Variants in SLC2A1 observed in about 807,000 individuals in gnomAD.
SLC2A1 encodes solute carrier family 2, facilitated glucose transporter member 1.
Under a neutral mutation model 46.6 loss-of-function variants are expected in SLC2A1, and 4 were observed. The ratio of observed to expected loss-of-function variants is 0.09; its 90% confidence interval spans 0.04 to 0.20. The LOEUF (loss-of-function observed/expected upper bound fraction) is 0.20. Among genes scored for constraint, SLC2A1 ranks in the 10% least tolerant of loss-of-function variants. The pLI is 1.00. For synonymous variants in SLC2A1, 253 were observed against 270.0 expected (o/e 0.94, Z 0.62); for missense variants, 352 against 667.0 (o/e 0.53, Z 5.20).
At chr1:42,945,331 T>A (rs113852081) in intron 1 of SLC2A1, among the ~76,000 whole-genome samples, 74 of 152,010 alleles carry the variant, frequency 4.9e-4, no homozygotes, top group African/African-American at 1.8e-3. Flanking sequence ...GATCACCCCA[T>A]GGCACTCCAG....
Position 42,928,958 on chromosome 1 carries a change from G to A in SLC2A1, c.1048C>T (p.Leu350Phe). The A allele has an allele frequency of 1.2e-6, 2 of 1,613,992 alleles. No homozygotes were observed. The highest frequency in any genetic ancestry group is 1.7e-6 in the Non-Finnish European group (2 of 1,180,004). Residue 350 changes from leucine to phenylalanine, a missense_variant, in exon 8 of 10, where the codon CTC (leucine) becomes TTC (phenylalanine). Coordinates refer to ENST00000426263, the MANE Select transcript of SLC2A1 (RefSeq NM_006516.4). Reference protein sequence around the residue: ...GLAGMAGCAILMTIALALLEQ... With the variant: ...GLAGMAGCAIFMTIALALLEQ... ...AGCAGTGCTAGCGCGATGGTCATGA[G>A]TATGGCACAACCCGCCATGCCAGCG...
intron 1 of SLC2A1, among the ~76,000 whole-genome samples, chr1:42,950,816 T>C (rs2124469609): frequency 6.6e-6 from 1 of 152,080 alleles, no homozygotes; most frequent in Non-Finnish European, 1.5e-5. Flanking sequence ...CTACTAAAAA[T>C]ACGAAAAATT....
chr1:42,948,483 G>C (rs1307067484), intron 1 of SLC2A1, among the ~76,000 whole-genome samples: 3 of 152,204 alleles, frequency 2.0e-5, no homozygotes, highest in Non-Finnish European at 2.9e-5. Flanking sequence ...GGTTCCCCAG[G>C]TGCAGGGAAG....
chr1:42,952,653 C>T, intron 1 of SLC2A1: 1 of 236,668 alleles, frequency 4.2e-6, no homozygotes, highest in East Asian at 1.3e-4. Flanking sequence ...TTCTGCACAG[C>T]TGTGAGGGCC....
At chr1:42,955,629 C>T (rs1039494651) in intron 1 of SLC2A1, among the ~76,000 whole-genome samples, 1 of 152,160 alleles carries the variant, frequency 6.6e-6, no homozygotes, top group African/African-American at 2.4e-5. Context: ...ACTATGCTGT[C>T]TGCACCACAA....
Position 42,926,660 on chromosome 1 carries a change from C to G in SLC2A1, c.*381G>C, listed in dbSNP as rs764359011. 272 of 1,278,974 alleles carry G rather than the reference C, an allele frequency of 2.1e-4. No homozygotes were observed. The highest frequency in any genetic ancestry group is 2.7e-4 in the Non-Finnish European group (265 of 975,300). 79.2% of individuals were successfully genotyped at this position (1,278,974 alleles called of 1,614,324 possible). On this transcript the variant is annotated 3_prime_UTR_variant, in exon 10 of 10. Transcript: ENST00000426263. Reference sequence around the variant, plus strand: ...TGTGTCCTTAGGACATAGGTCCAGCCCTACAGATTAGCTGGGTGAAGAAGG... The same window carrying G: ...TGTGTCCTTAGGACATAGGTCCAGCGCTACAGATTAGCTGGGTGAAGAAGG...
At chr1:42,938,395 T>C (rs911389683) in intron 2 of SLC2A1, among the ~76,000 whole-genome samples, 1 of 152,198 alleles carries the variant, frequency 6.6e-6, no homozygotes, top group Non-Finnish European at 1.5e-5. Context: ...GTTCCCTCAT[T>C]TAGAAGAGGG....
At chr1:42,957,820 G>T (rs1643792497) in intron 1 of SLC2A1, among the ~76,000 whole-genome samples, 1 of 152,170 alleles carries the variant, frequency 6.6e-6, no homozygotes, top group Admixed American at 6.5e-5. Flanking sequence ...CTTCCCGCTA[G>T]ACTTCAGCCT....
chr1:42,950,337 G>C (rs1223639659), intron 1 of SLC2A1, among the ~76,000 whole-genome samples: 1 of 152,226 alleles, frequency 6.6e-6, no homozygotes, highest in Non-Finnish European at 1.5e-5. Flanking sequence ...TTAGAAAAAA[G>C]TTGATCGGCC....
chr1:42,929,702 C>T lies in SLC2A1; in HGVS notation c.758G>A (p.Arg253Gln), dbSNP rs777498634. The T allele has an allele frequency of 1.7e-5, 28 of 1,613,906 alleles. No individual in the cohort carries two copies. The East Asian group carries it at 1.8e-4, about 10-fold the overall frequency. Residue 253 changes from arginine to glutamine, a missense_variant, in exon 6 of 10, where the codon CGG (arginine) becomes CAG (glutamine). This residue lies in a region of SLC2A1 where 167 missense variants were observed against 280.8 expected (regional missense o/e 0.59). Coordinates refer to ENST00000426263, the MANE Select transcript of SLC2A1 (RefSeq NM_006516.4). The surrounding 1 kb of genome is among the most constrained non-coding windows in gnomAD (Gnocchi z 6.0). ...CTCCAGGATGGTGACCTTCTTCTCC[C>T]GCATCATCTGCCGACTCTCTTCCTT... is the stretch of plus-strand genomic sequence containing the variant. Reference protein sequence around the residue: ...EMKEESRQMMREKKVTILELF... With the variant: ...EMKEESRQMMQEKKVTILELF...
At position 42,930,835 on chromosome 1, in the gene SLC2A1, C is replaced by A. The variant is rs755330447; in HGVS notation, c.307G>T (p.Ala103Ser). The A allele has an allele frequency of 4.4e-6, 7 of 1,600,630 alleles. No individual in the cohort carries two copies. In the South Asian group the frequency reaches 7.7e-5, roughly 18 times the overall value. Reference sequence around the variant, plus strand: ...CCCATGAGCACGGCGGACACGAAGGCCAGCAGGTTCATCATCAGCATTGAA... The same window carrying A: ...CCCATGAGCACGGCGGACACGAAGGACAGCAGGTTCATCATCAGCATTGAA... ...RNSMLMMNLL[A>S]FVSAVLMGFS... The change falls in exon 4 of 10, where the codon GCC (alanine) becomes TCC (serine). Residue 103 changes from alanine to serine, a missense_variant. By Grantham distance (99) the Ala-to-Ser change is moderately conservative. Coordinates refer to ENST00000426263, the MANE Select transcript of SLC2A1 (RefSeq NM_006516.4). This position sits in a 1 kb window ranked among gnomAD's most constrained non-coding sequence, Gnocchi z 6.2.
At chr1:42,953,404 C>T (rs560144139) in intron 1 of SLC2A1, among the ~76,000 whole-genome samples, 1 of 152,342 alleles carries the variant, frequency 6.6e-6, no homozygotes, top group African/African-American at 2.4e-5. Flanking sequence ...AGAGAGGTAA[C>T]AATTGGAGGC....
rs1181822928 is a variant in SLC2A1 at position 42,927,053 on chromosome 1, A to G, written c.1467T>C (p.Asp489=). 3 of 1,613,802 alleles carry G rather than the reference A, an allele frequency of 1.9e-6. No homozygotes were observed. The highest frequency in any genetic ancestry group is 1.7e-6 in the Non-Finnish European group (2 of 1,179,712). Reference sequence around the variant, plus strand: ...GATCTGGGGCGACTCACACTTGGGAATCAGCCCCCAGGGGATGGAACAGCT... The same window carrying G: ...GATCTGGGGCGACTCACACTTGGGAGTCAGCCCCCAGGGGATGGAACAGCT... ...PEELFHPLGA[D]SQV is the part of the protein sequence containing the mutation. Residue 489 remains aspartate (D), a synonymous_variant, in exon 10 of 10, where the codon GAT becomes GAC. Coordinates refer to ENST00000426263, the MANE Select transcript of SLC2A1 (RefSeq NM_006516.4). The surrounding 1 kb of genome is among the most constrained non-coding windows in gnomAD (Gnocchi z 5.3).
Position 42,926,901 on chromosome 1 carries a change from A to G in SLC2A1, c.*140T>C, listed in dbSNP as rs963902478. 10 of 1,508,720 alleles carry G rather than the reference A, an allele frequency of 6.6e-6. No individual in the cohort carries two copies. The highest frequency in any genetic ancestry group is 2.5e-4 in the Middle Eastern group (1 of 4,054). The allele number at this position is 1,508,720 out of a possible 1,614,324, so 93.5% of individuals were successfully genotyped here. A position where few individuals can be genotyped will look rare whatever the true frequency, so the allele number is the denominator to read the frequency against. On this transcript the variant is annotated 3_prime_UTR_variant, in exon 10 of 10. Coordinates refer to ENST00000426263, the MANE Select transcript of SLC2A1 (RefSeq NM_006516.4). ...TTAAGTCCTGAATATTCTTCTGGAC[A>G]TCATTGCTGGCTGGAGAAAGGAGCC...
In SLC2A1 at chr1:42,930,379, G is replaced by T. The variant is rs1643475533; in HGVS notation, c.516+247C>A. On this transcript the variant is annotated intron_variant, in intron 4 of 9. Transcript: ENST00000426263. This position sits in a 1 kb window ranked among gnomAD's most constrained non-coding sequence, Gnocchi z 6.2. ...GTGCATAACAGCCTGCGGCATGTTG[G>T]GGGAAGGCGGGCCCTGTGGTTGGAA... 1.4e-6 allele frequency: 1 copy of T among 690,004 alleles called. No individual in the cohort carries two copies. The highest frequency in any genetic ancestry group is 2.7e-5 in the East Asian group (1 of 36,598). The allele number at this position is 690,004 out of a possible 1,614,324, so 42.7% of individuals were successfully genotyped here. A position where few individuals can be genotyped will look rare whatever the true frequency, so the allele number is the denominator to read the frequency against.
rs556562927 is a variant in SLC2A1 at position 42,927,945 on chromosome 1, A to G, written c.1075-137T>C. 17 of 737,600 alleles carry G rather than the reference A, an allele frequency of 2.3e-5. No individual in the cohort carries two copies. In the South Asian group the frequency reaches 2.4e-4, roughly 10 times the overall value. 45.7% of individuals were successfully genotyped at this position (737,600 alleles called of 1,614,324 possible). A position where few individuals can be genotyped will look rare whatever the true frequency, so the allele number is the denominator to read the frequency against. On this transcript the variant is annotated intron_variant, in intron 8 of 9. Coordinates refer to ENST00000426263, the MANE Select transcript of SLC2A1 (RefSeq NM_006516.4). This position sits in a 1 kb window ranked among gnomAD's most constrained non-coding sequence, Gnocchi z 5.3. ...GGGGATGGTCCTGGATTTGTTGTGT[A>G]TCCAGCATTGGGCCTAAGTTTCCTC...
intron 2 of SLC2A1, among the ~76,000 whole-genome samples, chr1:42,938,637 G>A (rs969035847): frequency 1.3e-5 from 2 of 152,164 alleles, no homozygotes; most frequent in African/African-American, 4.8e-5. Flanking sequence ...TCCTAAGAGA[G>A]GTTCTTCTAA....
At position 42,958,855 on chromosome 1, in the gene SLC2A1, A is replaced by G; in HGVS notation, c.-204T>C. 3 of 559,026 alleles carry G rather than the reference A, an allele frequency of 5.4e-6. No homozygotes were observed. In the South Asian group the frequency reaches 6.2e-5, roughly 12 times the overall value. The allele number at this position is 559,026 out of a possible 1,614,324, so 34.6% of individuals were successfully genotyped here. A position where few individuals can be genotyped will look rare whatever the true frequency, so the allele number is the denominator to read the frequency against. ...AGCGACCGGCACGCTCGCTGTTGCT[A>G]CCTCTTGCCTCTTGCCAGAGAGCGC... On this transcript the variant is annotated 5_prime_UTR_variant, in exon 1 of 10. Coordinates refer to ENST00000426263, the MANE Select transcript of SLC2A1 (RefSeq NM_006516.4).
intron 2 of SLC2A1, among the ~76,000 whole-genome samples, chr1:42,942,096 C>T (rs191148215): frequency 2.6e-5 from 4 of 152,350 alleles, no homozygotes; most frequent in South Asian, 2.1e-4. Flanking sequence ...TAGCCCCATC[C>T]GTCTGGACAA....
Sources: gnomAD v4.1 joint callset for allele counts (sites outside exome capture counted in the v4.1 genomes callset) on GRCh38, gnomAD v4.1.1 for gene constraint, gnomAD v4.1.1 regional missense constraint, Gnocchi (gnomAD v3.1) non-coding constraint, MANE v1.5 for transcripts, NCBI Gene and HGNC (gene_info 2026-07-23, HGNC 2026-07-21) for gene names.